RSL24D1: variants seen among roughly 807,000 people sequenced by gnomAD.
RSL24D1 encodes the protein ribosomal L24 domain containing 1, also known as probable ribosome biogenesis protein RLP24.
In RSL24D1, 6 loss-of-function variants were observed where a neutral mutation model predicts 26.2. The observed-to-expected ratio is 0.23, with a 90% confidence interval of 0.13 to 0.45. RSL24D1 has a LOEUF of 0.45. Ranked by LOEUF, RSL24D1 falls within the 20% of genes least tolerant of loss-of-function variation. RSL24D1 has a pLI of 0.99. For synonymous variants in RSL24D1, 61 were observed against 59.1 expected (o/e 1.03, Z -0.15); for missense variants, 176 against 202.6 (o/e 0.87, Z 0.80).
chr15:55,186,713 T>C (rs1393485607), intron 3 of RSL24D1, among the ~76,000 whole-genome samples: 1 of 152,150 alleles, frequency 6.6e-6, no homozygotes, highest in African/African-American at 2.4e-5. Context: ...ACTGGGACAA[T>C]TGGAGAAATA....
intron 3 of RSL24D1, among the ~76,000 whole-genome samples, chr15:55,187,586 C>A (rs1894237209): frequency 2.0e-5 from 3 of 152,124 alleles, no homozygotes; most frequent in Non-Finnish European, 2.9e-5. Flanking sequence ...GAAATAATGT[C>A]TTTTACAGCA....
chr15:55,185,721 A>G (rs573650790), intron 3 of RSL24D1, among the ~76,000 whole-genome samples: 1 of 152,322 alleles, frequency 6.6e-6, no homozygotes, highest in South Asian at 2.1e-4. Flanking sequence ...AAATTTTACT[A>G]TAAAGAGAAC....
chr15:55,192,936 G>T, intron 1 of RSL24D1, 103 bp from the exon 2 acceptor site: 1 of 697,814 alleles, frequency 1.4e-6, no homozygotes, highest in Non-Finnish European at 2.5e-6. Flanking sequence ...TACTTAAACT[G>T]CCATTTAGAA....
chr15:55,181,862 C>T lies in RSL24D1; in HGVS notation c.*290G>A. 6.9e-6 allele frequency: 2 copies of T among 288,822 alleles called. No homozygotes were observed. The highest frequency in any genetic ancestry group is 8.3e-5 in the South Asian group (1 of 12,008). 17.9% of individuals were successfully genotyped at this position (288,822 alleles called of 1,614,324 possible). ...GCCATTAGTTACTATACAAATGCTG[C>T]CTAGTGCCATTATCCAAATAGCACA... On this transcript the variant is annotated 3_prime_UTR_variant, in exon 6 of 6. Transcript: ENST00000260443.
At chr15:55,194,052 T>C (rs932742246) in intron 1 of RSL24D1, 2 of 152,232 alleles carry the variant, frequency 1.3e-5, no homozygotes, top group Non-Finnish European at 2.9e-5. Context: ...TTCCTTTTTC[T>C]ACTATTTATC....
intron 1 of RSL24D1, chr15:55,194,029 T>G (rs1161254861): frequency 6.6e-6 from 1 of 152,206 alleles, no homozygotes; most frequent in Non-Finnish European, 1.5e-5. Context: ...CTACTAGATA[T>G]CCCTTAGGCA....
chr15:55,195,889 T>A (rs1447601969), intron 1 of RSL24D1, among the ~76,000 whole-genome samples: 1 of 152,212 alleles, frequency 6.6e-6, no homozygotes, highest in African/African-American at 2.4e-5. Context: ...TTCACCTTAA[T>A]ATACAGATTC....
chr15:55,193,250 T>C (rs962073539), intron 1 of RSL24D1, among the ~76,000 whole-genome samples: 1 of 152,206 alleles, frequency 6.6e-6, no homozygotes, highest in Non-Finnish European at 1.5e-5. Flanking sequence ...AAGCACAAAA[T>C]AATTTCAAAA....
At chr15:55,194,420 T>C (rs1254031677) in intron 1 of RSL24D1, 3 of 152,202 alleles carry the variant, frequency 2.0e-5, no homozygotes, top group African/African-American at 4.8e-5. Flanking sequence ...TAAACACATA[T>C]GAGGAAGTGG....
chr15:55,192,914 T>C, intron 1 of RSL24D1, 81 bp from the exon 2 acceptor site: 2 of 832,638 alleles, frequency 2.4e-6, no homozygotes, highest in Non-Finnish European at 4.0e-6. Flanking sequence ...AGACAAAAAA[T>C]ACTTTCCCTT....
chr15:55,183,208 T>C (rs1391281764), intron 5 of RSL24D1, 107 bp downstream of exon 5: 2 of 734,194 alleles, frequency 2.7e-6, no homozygotes, highest in African/African-American at 3.6e-5. Flanking sequence ...CCAAATCATA[T>C]CATAAATTTA....
At chr15:55,185,620 T>C (rs1894216592) in intron 3 of RSL24D1, among the ~76,000 whole-genome samples, 195 bp from the exon 4 acceptor site, 1 of 152,148 alleles carries the variant, frequency 6.6e-6, no homozygotes, top group South Asian at 2.1e-4. Flanking sequence ...AACATTCTCT[T>C]TCACAAGTAT....
intron 1 of RSL24D1, chr15:55,194,398 T>A (rs919264806): frequency 1.3e-5 from 2 of 152,210 alleles, no homozygotes; most frequent in Admixed American, 6.5e-5. Flanking sequence ...TAATCATGTA[T>A]AATGTAATAT....
intron 1 of RSL24D1, 63 bp downstream of exon 1, chr15:55,196,747 A>C: frequency 1.3e-6 from 2 of 1,538,396 alleles, no homozygotes; most frequent in South Asian, 2.2e-5. Flanking sequence ...CCCAGCACCG[A>C]GCCGCCGCGC....
At position 55,192,797 on chromosome 15, in the gene RSL24D1, A is replaced by G. The variant is rs1347090778; in HGVS notation, c.118T>C (p.Phe40Leu). The change falls in exon 2 of 6, where the codon TTT becomes CTT. Residue 40 changes from phenylalanine to leucine, a missense_variant. Physicochemically the swap from Phe to Leu is conservative, Grantham distance 22. Around this residue, in one of 3 missense-constraint regions of RSL24D1, gnomAD observed 89 missense variants for 135.1 expected, o/e 0.66. Coordinates refer to ENST00000260443, the MANE Select transcript of RSL24D1 (RefSeq NM_016304.3). ...RFCKSKCHKN[F>L]KKKRNPRKVR... is the part of the protein sequence containing the mutation. Reference sequence around the variant, plus strand: ...TTGCGAGGATTGCGCTTCTTTTTAAAGTTTTTATGACATTTAGATTTGCAA... The same window carrying G: ...TTGCGAGGATTGCGCTTCTTTTTAAGGTTTTTATGACATTTAGATTTGCAA... The G allele has an allele frequency of 6.2e-7, 1 of 1,613,822 alleles. No homozygotes were observed. The highest frequency in any genetic ancestry group is 1.1e-5 in the South Asian group (1 of 91,036).
At position 55,182,358 on chromosome 15, in the gene RSL24D1, A is replaced by G. The variant is rs1368703915; in HGVS notation, c.419-133T>C. On this transcript the variant is annotated intron_variant, in intron 5 of 5. Transcript: ENST00000260443. ...ACTCCTAAGAAATTTAATAGTAGCT[A>G]AACTAACATAGGTCTTATGATATGC... 6.3e-6 allele frequency: 4 copies of G among 630,510 alleles called. No homozygotes were observed. In the Admixed American group the frequency reaches 8.0e-5, roughly 13 times the overall value. The allele number at this position is 630,510 out of a possible 1,614,324, so 39.1% of individuals were successfully genotyped here. A position where few individuals can be genotyped will look rare whatever the true frequency, so the allele number is the denominator to read the frequency against.
intron 3 of RSL24D1, among the ~76,000 whole-genome samples, chr15:55,189,381 C>G (rs1315820662): frequency 6.6e-6 from 1 of 152,040 alleles, no homozygotes; most frequent in African/African-American, 2.4e-5. Flanking sequence ...TTAACTCCTC[C>G]TCTAATTATA....
intron 3 of RSL24D1, 73 bp downstream of exon 3, chr15:55,190,902 C>CTTTAAG (rs1203846490): frequency 1.1e-6 from 1 of 942,998 alleles, no homozygotes; most frequent in African/African-American, 1.7e-5. Context: ...AAACAACAAA[C>CTTTAAG]TGACACTTAA....
chr15:55,182,836 A>G (rs1389731512), intron 5 of RSL24D1, among the ~76,000 whole-genome samples: 2 of 152,192 alleles, frequency 1.3e-5, no homozygotes, highest in East Asian at 3.8e-4. Context: ...AAATTGCATA[A>G]AAGACTGTAC....
Sources: allele counts gnomAD v4.1 joint callset (sites outside exome capture counted in the v4.1 genomes callset), GRCh38; gene constraint gnomAD v4.1.1; regional missense constraint gnomAD v4.1.1; transcripts MANE v1.5; gene names NCBI Gene and HGNC (gene_info 2026-07-23, HGNC 2026-07-21).